PRR11: variants seen among roughly 807,000 people sequenced by gnomAD.
The protein encoded by PRR11 is proline rich 11.
A neutral mutation model predicts 45.6 loss-of-function variants in PRR11; 30 were observed. That is an observed-to-expected ratio of 0.66 (90% CI 0.49 to 0.89). The LOEUF (loss-of-function observed/expected upper bound fraction) is 0.89. PRR11 is among the 40% of genes least tolerant of loss of function. PRR11 has a pLI of 0.00. For missense variants in PRR11, 373 were observed against 424.8 expected (o/e 0.88, Z 1.07); for synonymous variants, 128 against 153.5 (o/e 0.83, Z 1.23).
At chr17:59,201,412 T>A (rs1208749192) in intron 9 of PRR11, 151 bp from the exon 10 acceptor site, 1 of 727,424 alleles carries the variant, frequency 1.4e-6, no homozygotes, top group Non-Finnish European at 2.3e-6. Context: ...TCCAGGAACT[T>A]CTGATTGCAT....
chr17:59,206,601 A>G lies in PRR11; in HGVS notation c.*4970A>G, dbSNP rs3362. 3.3e-4 allele frequency among the ~76,000 whole-genome samples: 51 copies of G among 152,284 alleles called. No individual in the cohort carries two copies. The highest frequency in any genetic ancestry group is 2.9e-3 in the East Asian group (15 of 5,190). On this transcript the variant is annotated 3_prime_UTR_variant, in exon 10 of 10. Coordinates refer to ENST00000262293, the MANE Select transcript of PRR11 (RefSeq NM_018304.4). ...AAACTACGATTTATCATATGCTCCC[A>G]GTGTTTACTTTGAGACTGAATGGCA...
rs140604285 is a variant in PRR11 at position 59,200,567 on chromosome 17, G to A, written c.1015-996G>A. 5.3e-3 allele frequency among the ~76,000 whole-genome samples: 809 copies of A among 151,940 alleles called. 5 individuals carry two copies. Among genetic ancestry groups the A allele is most frequent in the African/African-American group, 0.018 (757 of 41,454 alleles). ...GAGTACAATGGCGCAATCTTGGCTC[G>A]CTGCAAGCTCTGCCTCCTGGGTTCA... On this transcript the variant is annotated intron_variant, in intron 9 of 9. Coordinates refer to ENST00000262293, the MANE Select transcript of PRR11 (RefSeq NM_018304.4).
At position 59,194,791 on chromosome 17, in the gene PRR11, T is replaced by G; in HGVS notation, c.680T>G (p.Ile227Arg). 6.2e-7 allele frequency: 1 copy of G among 1,613,886 alleles called. No homozygotes were observed. The highest frequency in any genetic ancestry group is 8.5e-7 in the Non-Finnish European group (1 of 1,179,872). The change falls in exon 6 of 10, where the codon ATA becomes AGA. Residue 227 changes from isoleucine to arginine, a missense_variant. Ile to Arg is a moderately conservative substitution (Grantham distance 97, BLOSUM62 -3). Transcript: ENST00000262293. ...TTAAAAAAAGATGGACCCATGCAGA[T>G]AACAGTTAAAGATCTGCTGACTGTA... ...GPLKKDGPMQITVKDLLTVKL... is the reference protein window; with the variant it reads ...GPLKKDGPMQRTVKDLLTVKL...
At chr17:59,175,363 G>A (rs558977393) in intron 2 of PRR11, among the ~76,000 whole-genome samples, 5 of 152,342 alleles carry the variant, frequency 3.3e-5, no homozygotes, top group Admixed American at 1.3e-4. Context: ...GGTGGCTTAC[G>A]CCTGGAATCC....
chr17:59,194,047 T>G (rs2046852561), intron 5 of PRR11, among the ~76,000 whole-genome samples: 1 of 152,150 alleles, frequency 6.6e-6, no homozygotes, highest in Admixed American at 6.5e-5. Context: ...AATAGAAGAT[T>G]GCTTAGAGAG....
chr17:59,197,635 C>T lies in PRR11; in HGVS notation c.917+32C>T, dbSNP rs546713826. The T allele has an allele frequency of 1.9e-5, 31 of 1,610,974 alleles. No homozygotes were observed. The East Asian group carries it at 3.6e-4, about 19-fold the overall frequency. ...CACTCTCATATCTTTATGCCTTCTACGTCCATTTTAAAAGTTGCCATAAAA... is the reference window on the plus strand; with the variant it reads ...CACTCTCATATCTTTATGCCTTCTATGTCCATTTTAAAAGTTGCCATAAAA... On this transcript the variant is annotated intron_variant, in intron 8 of 9. Coordinates refer to ENST00000262293, the MANE Select transcript of PRR11 (RefSeq NM_018304.4).
At position 59,185,425 on chromosome 17, in the gene PRR11, T is replaced by C. The variant is rs548618532; in HGVS notation, c.280-15T>C. The C allele has an allele frequency of 2.8e-5, 45 of 1,590,168 alleles. 1 individual carries two copies. In the South Asian group the frequency reaches 5.0e-4, roughly 18 times the overall value. On this transcript the variant is annotated splice_polypyrimidine_tract_variant and intron_variant, in intron 3 of 9. Transcript: ENST00000262293. ...ATTACTCATAGGACTCAGAATTGTT[T>C]ATTATTAATTTCAGAGTTTAGAAGT...
intron 4 of PRR11, among the ~76,000 whole-genome samples, chr17:59,192,879 A>G (rs577401020): frequency 1.3e-5 from 2 of 152,260 alleles, no homozygotes; most frequent in Admixed American, 6.5e-5. Context: ...CAGTTTCTTG[A>G]AAGTACTATA....
At chr17:59,160,788 C>T (rs1161336202) in intron 1 of PRR11, 1 of 152,108 alleles carries the variant, frequency 6.6e-6, no homozygotes, top group Non-Finnish European at 1.5e-5. Flanking sequence ...GGCTGGAGTA[C>T]AGTGGCGCAG....
chr17:59,170,696 G>A (rs561830252), intron 2 of PRR11, among the ~76,000 whole-genome samples: 1 of 152,220 alleles, frequency 6.6e-6, no homozygotes, highest in Admixed American at 6.5e-5. Flanking sequence ...TGGGAATGTA[G>A]GTGTGAGCAC....
intron 4 of PRR11, among the ~76,000 whole-genome samples, chr17:59,189,352 G>A (rs973045994): frequency 6.6e-6 from 1 of 151,588 alleles, no homozygotes; most frequent in East Asian, 1.9e-4. Context: ...TTGTTCGTTT[G>A]AGACAAAGTA....
chr17:59,177,177 G>A (rs1599697773), intron 2 of PRR11: 2 of 549,082 alleles, frequency 3.6e-6, no homozygotes, highest in South Asian at 2.8e-5. Context: ...ACAGAGCCAG[G>A]AATAAATGAA....
At chr17:59,192,048 A>G (rs2046842563) in intron 4 of PRR11, among the ~76,000 whole-genome samples, 1 of 152,178 alleles carries the variant, frequency 6.6e-6, no homozygotes, top group Admixed American at 6.5e-5. Flanking sequence ...ATTTGGACAA[A>G]GGGCTTTACA....
At chr17:59,183,390 T>G (rs986585269) in intron 2 of PRR11, among the ~76,000 whole-genome samples, 2 of 152,182 alleles carry the variant, frequency 1.3e-5, no homozygotes, top group African/African-American at 4.8e-5. Context: ...CTATGAAACC[T>G]TACAAGTGTG....
At chr17:59,189,239 G>A (rs2046829544) in intron 4 of PRR11, among the ~76,000 whole-genome samples, 1 of 151,686 alleles carries the variant, frequency 6.6e-6, no homozygotes, top group Admixed American at 6.6e-5. Flanking sequence ...GGCAGAGGTT[G>A]CAGTGAGTTG....
At chr17:59,174,208 G>A (rs2046729248) in intron 2 of PRR11, among the ~76,000 whole-genome samples, 2 of 152,200 alleles carry the variant, frequency 1.3e-5, no homozygotes, top group African/African-American at 4.8e-5. Flanking sequence ...CACCCTCAAA[G>A]AATGTGGCTT....
rs1319434522 is a variant in PRR11, at chr17:59,179,879, G to A, written c.129-5175G>A. On this transcript the variant is annotated intron_variant, in intron 2 of 9. Coordinates refer to ENST00000262293, the MANE Select transcript of PRR11 (RefSeq NM_018304.4). ...CAGGGGGCTGGGATCTACCCCAGGG[G>A]CTGAGTAAAGAAACCAGGCCACTGT... 3.0e-6 allele frequency: 4 copies of A among 1,339,922 alleles called. No individual in the cohort carries two copies. In the East Asian group the frequency reaches 9.6e-5, roughly 32 times the overall value. The allele number at this position is 1,339,922 out of a possible 1,614,324, so 83.0% of individuals were successfully genotyped here. A position where few individuals can be genotyped will look rare whatever the true frequency, so the allele number is the denominator to read the frequency against.
chr17:59,185,145 A>T lies in PRR11; in HGVS notation c.220A>T (p.Lys74Ter). ...TTTTCCTAACATCAGAGATGCAATA[A>T]AACTTTGGACAAATAGAGTATGGTC... Reference protein sequence around the residue: ...FNFPNIRDAIKLWTNRVWSIY... With the variant: ...FNFPNIRDAI The change falls in exon 3 of 10, where the codon AAA becomes TAA. Residue 74 changes from lysine to a stop codon, truncating the protein, a stop_gained. Coordinates refer to ENST00000262293, the MANE Select transcript of PRR11 (RefSeq NM_018304.4). LOFTEE classifies it high-confidence loss of function. 2 of 1,614,038 alleles carry T rather than the reference A, an allele frequency of 1.2e-6. No individual in the cohort carries two copies. The highest frequency in any genetic ancestry group is 1.7e-6 in the Non-Finnish European group (2 of 1,179,966).
chr17:59,189,485 C>A (rs2046831075), intron 4 of PRR11, among the ~76,000 whole-genome samples: 1 of 151,978 alleles, frequency 6.6e-6, no homozygotes, highest in African/African-American at 2.4e-5. Flanking sequence ...AGGTGCCCGC[C>A]ACCATGCCTG....
Sources: gnomAD v4.1 joint callset for allele counts (sites outside exome capture counted in the v4.1 genomes callset) on GRCh38, gnomAD v4.1.1 for gene constraint, MANE v1.5 for transcripts, NCBI Gene and HGNC (gene_info 2026-07-23, HGNC 2026-07-21) for gene names.